The following VWCE variants were observed in gnomAD, a reference collection of about 807,000 sequenced individuals.
VWCE encodes von Willebrand factor C and EGF domains.
Under a neutral mutation model 102.9 loss-of-function variants are expected in VWCE, and 68 were observed. That is an observed-to-expected ratio of 0.66 (90% confidence interval 0.54 to 0.81). The LOEUF (loss-of-function observed/expected upper bound fraction) is 0.81, where lower values mean the gene tolerates loss of function less well. Ranked by LOEUF, VWCE falls within the 30% of genes least tolerant of loss-of-function variation. VWCE has a pLI of 0.00. For missense variants in VWCE, 1,137 were observed against 1,263.6 expected (o/e 0.90, Z 1.52); for synonymous variants, 497 against 515.4 (o/e 0.96, Z 0.48).
chr11:61,278,512 C>T, intron 9 of VWCE, 36 bp from the exon 10 acceptor site: 1 of 1,603,748 alleles, frequency 6.2e-7, no homozygotes. Context: ...GGCATCAGAC[C>T]TCTTCAAAGA....
chr11:61,293,449 C>A (rs1386504439), intron 1 of VWCE, among the ~76,000 whole-genome samples: 1 of 149,280 alleles, frequency 6.7e-6, no homozygotes, highest in Non-Finnish European at 1.5e-5. Flanking sequence ...GGGCAGCCAG[C>A]AAAAGAAGAG....
rs1219809450 is a variant in VWCE at position 61,281,234 on chromosome 11, A to C, written c.789T>G (p.Ala263=). The part of the protein sequence containing the change: ...RLRADRVSCE[A]FPKAVLAPSA... Reference sequence around the variant, plus strand: ...ATGGGGCCAGCACGGCTTTCGGGAAAGCTGAAACAGAAGCACGGAGGTCTC... The same window carrying C: ...ATGGGGCCAGCACGGCTTTCGGGAACGCTGAAACAGAAGCACGGAGGTCTC... Residue 263 remains alanine, a splice_region_variant and synonymous_variant, in exon 8 of 20, where the codon GCT becomes GCG. Transcript: ENST00000335613. The C allele has an allele frequency of 6.2e-7, 1 of 1,612,264 alleles. No homozygotes were observed. The highest frequency in any genetic ancestry group is 8.5e-7 in the Non-Finnish European group (1 of 1,179,950).
rs555804007 is a variant in VWCE at position 61,280,727 on chromosome 11, C to A, written c.1231-10G>T. 1 of 1,613,936 alleles carries A rather than the reference C, an allele frequency of 6.2e-7. No individual in the cohort carries two copies. The highest frequency in any genetic ancestry group is 8.5e-7 in the Non-Finnish European group (1 of 1,179,982). On this transcript the variant is annotated splice_polypyrimidine_tract_variant and intron_variant, in intron 8 of 19. Transcript: ENST00000335613. The stretch of plus-strand genomic sequence containing the variant: ...AGGTCACCTTCCCGTCCTAGAAGCA[C>A]AAGCAGGAGTTAGAGCCACCACAAG...
At chr11:61,292,554 G>A (rs1287776453) in intron 1 of VWCE, among the ~76,000 whole-genome samples, 1 of 152,164 alleles carries the variant, frequency 6.6e-6, no homozygotes. Flanking sequence ...GACATCTCTT[G>A]GGTGGGTGTG....
In VWCE at chr11:61,294,832, C is replaced by T; in HGVS notation, c.110+96G>A. On this transcript the variant is annotated intron_variant, in intron 1 of 19. Coordinates refer to ENST00000335613, the MANE Select transcript of VWCE (RefSeq NM_152718.2). This position sits in a 1 kb window ranked among gnomAD's most constrained non-coding sequence, Gnocchi z 6.3. Reference sequence around the variant, plus strand: ...CCCCAGAGGAAGCCCCGACACGCGGCTGCCTGCGGCTCCTGAGCGCCCCTC... The same window carrying T: ...CCCCAGAGGAAGCCCCGACACGCGGTTGCCTGCGGCTCCTGAGCGCCCCTC... The T allele has an allele frequency of 1.2e-6, 1 of 823,668 alleles. No individual in the cohort carries two copies. The highest frequency in any genetic ancestry group is 1.7e-6 in the Non-Finnish European group (1 of 596,112). The allele number at this position is 823,668 out of a possible 1,614,324, so 51.0% of individuals were successfully genotyped here.
At chr11:61,282,716 G>A in intron 6 of VWCE, 73 bp downstream of exon 6, 2 of 1,241,548 alleles carry the variant, frequency 1.6e-6, no homozygotes, top group Non-Finnish European at 2.4e-6. Flanking sequence ...ACCTTCCCGG[G>A]TCCCTGGGCT....
In VWCE at chr11:61,278,381, T is replaced by C; in HGVS notation, c.1407+13A>G. On this transcript the variant is annotated intron_variant, in intron 10 of 19. Coordinates refer to ENST00000335613, the MANE Select transcript of VWCE (RefSeq NM_152718.2). ...AAACACCCACGAGGCTTTGAGGATC[T>C]TGTGACGCTTACCAGACAGACACAG... The C allele has an allele frequency of 6.2e-7, 1 of 1,614,058 alleles. No individual in the cohort carries two copies. The highest frequency in any genetic ancestry group is 8.5e-7 in the Non-Finnish European group (1 of 1,179,960).
chr11:61,258,921 G>A lies in VWCE; in HGVS notation c.2622C>T (p.Arg874=). The A allele has an allele frequency of 6.5e-7, 1 of 1,537,780 alleles. No homozygotes were observed. The highest frequency in any genetic ancestry group is 8.7e-7 in the Non-Finnish European group (1 of 1,146,272). ...APQPPPVTPE[R]SFSASGAQIV... ...TCTGGGCCCCAGAGGCTGAGAACGA[G>A]CGCTCTGGAGTCACAGGAGGTGGCT... Residue 874 remains arginine (R), a synonymous_variant, in exon 20 of 20, where the codon CGC becomes CGT. Transcript: ENST00000335613.
At chr11:61,269,382 G>C (rs1245204308) in intron 14 of VWCE, 1 of 210,340 alleles carries the variant, frequency 4.8e-6, no homozygotes, top group Non-Finnish European at 9.7e-6. Flanking sequence ...CCTATTTTTA[G>C]AAAAAACAAT....
intron 19 of VWCE, among the ~76,000 whole-genome samples, chr11:61,260,702 C>CT (rs1854328312): frequency 6.6e-6 from 1 of 152,150 alleles, no homozygotes; most frequent in Non-Finnish European, 1.5e-5. Context: ...GCAAAATCAT[C>CT]TAAGTAAATC....
chr11:61,287,184 A>G (rs1240219134), intron 4 of VWCE, among the ~76,000 whole-genome samples: 1 of 152,130 alleles, frequency 6.6e-6, no homozygotes, highest in Non-Finnish European at 1.5e-5. Flanking sequence ...TCAACCCCAC[A>G]AGGACCCTGA....
At chr11:61,272,652 A>G (rs1565221307) in intron 13 of VWCE, among the ~76,000 whole-genome samples, 1 of 152,242 alleles carries the variant, frequency 6.6e-6, no homozygotes, top group East Asian at 1.9e-4. Context: ...GTACACAGGC[A>G]AAGACACATG....
In VWCE at chr11:61,273,158, G is replaced by A. The variant is rs369758634; in HGVS notation, c.1699+41C>T. 9 of 1,594,366 alleles carry A rather than the reference G, an allele frequency of 5.6e-6. No individual in the cohort carries two copies. In the African/African-American group the frequency reaches 6.7e-5, roughly 12 times the overall value. ...AGGTGAAGCTCAGCCTCTCTCCCCA[G>A]TATCCATGCCCTGTGTCGGGGCAGC... On this transcript the variant is annotated intron_variant, in intron 13 of 19. Transcript: ENST00000335613.
intron 10 of VWCE, 68 bp downstream of exon 10, chr11:61,278,326 C>T: frequency 6.5e-7 from 1 of 1,544,022 alleles, no homozygotes; most frequent in Middle Eastern, 1.7e-4. Flanking sequence ...CGGTCTTTTC[C>T]CCTTCCTCTA....
At chr11:61,289,525 C>T (rs1193267632) in intron 4 of VWCE, among the ~76,000 whole-genome samples, 2 of 152,176 alleles carry the variant, frequency 1.3e-5, no homozygotes, top group East Asian at 3.9e-4. Flanking sequence ...GCTGGGATTA[C>T]AGGCGTGAGC....
intron 1 of VWCE, among the ~76,000 whole-genome samples, chr11:61,292,308 C>G (rs989015058): frequency 1.3e-5 from 2 of 152,292 alleles, no homozygotes; most frequent in African/African-American, 4.8e-5. Flanking sequence ...GATCTCTGCC[C>G]ATGGCACCTT....
At chr11:61,286,272 C>A in intron 5 of VWCE, 42 bp downstream of exon 5, 1 of 1,575,336 alleles carries the variant, frequency 6.3e-7, no homozygotes, top group South Asian at 1.1e-5. Flanking sequence ...GTGGCATCCC[C>A]ATTACCCCTC....
chr11:61,265,983 T>C (rs748392721), intron 16 of VWCE, among the ~76,000 whole-genome samples: 5 of 151,968 alleles, frequency 3.3e-5, no homozygotes, highest in Non-Finnish European at 7.4e-5. Context: ...GAGGCGGAGG[T>C]TGCAGTGAGC....
At chr11:61,286,528 C>T in intron 4 of VWCE, 98 bp from the exon 5 acceptor site, 1 of 1,134,268 alleles carries the variant, frequency 8.8e-7, no homozygotes, top group Non-Finnish European at 1.3e-6. Flanking sequence ...GCAGGCCGGG[C>T]ATGGTGGCTC....
Sources: gnomAD v4.1 joint callset for allele counts (sites outside exome capture counted in the v4.1 genomes callset) on GRCh38, gnomAD v4.1.1 for gene constraint, Gnocchi (gnomAD v3.1) non-coding constraint, MANE v1.5 for transcripts, NCBI Gene and HGNC (gene_info 2026-07-23, HGNC 2026-07-21) for gene names.